PTK2B: variants seen among roughly 807,000 people sequenced by gnomAD.
PTK2B encodes protein-tyrosine kinase 2-beta.
PTK2B carries 71 observed loss-of-function variants against 142.9 expected under a neutral mutation model. The observed-to-expected ratio is 0.50, with a 90% CI of 0.41 to 0.61. The LOEUF (loss-of-function observed/expected upper bound fraction) is 0.61. Among genes scored for constraint, PTK2B ranks in the 20% least tolerant of loss-of-function variants. The probability of loss-of-function intolerance (pLI) is 0.00; values close to 1 mark genes in which losing one functional copy is unlikely to be tolerated. For synonymous variants in PTK2B, 519 were observed against 503.4 expected, an observed-to-expected ratio of 1.03 and a Z score of -0.42; for missense variants, 1,105 against 1,320.4, an observed-to-expected ratio of 0.84 and a Z score of 2.53.
chr8:27,434,572 C>T lies in PTK2B; in HGVS notation c.1192+13C>T. ...AGCTGCAGCATAGGTGAGCTGCCCG[C>T]TGCATCCTCCACCTGCTCCAGTTGC... On this transcript the variant is annotated intron_variant, in intron 13 of 30. Coordinates refer to ENST00000346049, the MANE Select transcript of PTK2B (RefSeq NM_173176.3). 1 of 1,597,668 alleles carries T rather than the reference C, an allele frequency of 6.3e-7. No individual in the cohort carries two copies. The highest frequency in any genetic ancestry group is 8.5e-7 in the Non-Finnish European group (1 of 1,171,976).
chr8:27,325,034 C>T (rs117070929), upstream of PTK2B, among the ~76,000 whole-genome samples: 793 of 152,310 alleles, frequency 5.2e-3, 2 homozygotes, highest in Non-Finnish European at 8.6e-3. Context: ...GGGACCTGGA[C>T]CGGTTCTGCC....
chr8:27,452,870 C>A (rs1053316819), intron 27 of PTK2B: 6 of 564,466 alleles, frequency 1.1e-5, no homozygotes, highest in African/African-American at 3.8e-5. Flanking sequence ...CCACTGCAAT[C>A]CCCCCATCTT....
At chr8:27,398,078 T>C (rs142669358) in intron 2 of PTK2B, among the ~76,000 whole-genome samples, 1 of 152,396 alleles carries the variant, frequency 6.6e-6, no homozygotes, top group East Asian at 1.9e-4. Context: ...GTATTTATGA[T>C]ACTTGAAGCT....
rs188454082 is a variant in PTK2B, at chr8:27,403,461, G to A, written c.204+5673G>A. The stretch of plus-strand genomic sequence containing the variant: ...GTTGTAAAAAGCTTTGTGAATAAGC[G>A]CTGGCCCCTGTGCCTAGGACCTAAA... On this transcript the variant is annotated intron_variant, in intron 2 of 30. Transcript: ENST00000346049. 1.1e-4 allele frequency among the ~76,000 whole-genome samples: 17 copies of A among 152,278 alleles called. No individual in the cohort carries two copies. In the East Asian group the frequency reaches 2.9e-3, roughly 26 times the overall value.
chr8:27,328,334 A>C (rs954699884), intron 1 of PTK2B, among the ~76,000 whole-genome samples: 24 of 152,226 alleles, frequency 1.6e-4, no homozygotes, highest in Admixed American at 1.2e-3. Context: ...GCTAAGAGAT[A>C]GAGGAAGTGA....
rs374735115 is a variant in PTK2B, at chr8:27,454,623, A to G, written c.2814+12A>G. On this transcript the variant is annotated intron_variant, in intron 30 of 30. Transcript: ENST00000346049. ...CTTCACGGACAGAGGTGAGCGTCCC[A>G]TTCCAGACAGCACCATAGGCTGTTG... The G allele has an allele frequency of 3.7e-6, 6 of 1,612,384 alleles. No homozygotes were observed. In the African/African-American group the frequency reaches 8.0e-5, roughly 22 times the overall value.
rs747911437 is a variant in PTK2B, at chr8:27,454,525, C to G, written c.2734-6C>G. On this transcript the variant is annotated splice_region_variant and splice_polypyrimidine_tract_variant and intron_variant, in intron 29 of 30. Coordinates refer to ENST00000346049, the MANE Select transcript of PTK2B (RefSeq NM_173176.3). Reference sequence around the variant, plus strand: ...TGGCGGCCATCCTGCCCCTTTCTCCCCCCAGAATGTGGGGCTGACCCTGCG... The same window carrying G: ...TGGCGGCCATCCTGCCCCTTTCTCCGCCCAGAATGTGGGGCTGACCCTGCG... 2 of 1,613,934 alleles carry G rather than the reference C, an allele frequency of 1.2e-6. No homozygotes were observed. The highest frequency in any genetic ancestry group is 1.1e-5 in the South Asian group (1 of 91,064).
intron 3 of PTK2B, among the ~76,000 whole-genome samples, chr8:27,316,952 G>T (rs890991094): frequency 1.3e-5 from 2 of 152,160 alleles, no homozygotes; most frequent in Admixed American, 1.3e-4. Flanking sequence ...CCATAAGGGG[G>T]TGTATTATCT....
At chr8:27,431,119 TCA>T in intron 8 of PTK2B, 103 bp downstream of exon 8, 1 of 1,519,586 alleles carries the variant, frequency 6.6e-7, no homozygotes, top group East Asian at 2.3e-5. Flanking sequence ...CTGCAGATTC[TCA>T]CTCAGGCAGC....
upstream of PTK2B, among the ~76,000 whole-genome samples, chr8:27,321,346 T>C (rs1400022438): frequency 2.0e-5 from 3 of 152,184 alleles, no homozygotes; most frequent in Non-Finnish European, 2.9e-5. Flanking sequence ...TTAGAAGTTG[T>C]GTGCACGGTC....
At position 27,441,381 on chromosome 8, in the gene PTK2B, C is replaced by T. The variant is rs150166255; in HGVS notation, c.2039+940C>T. The stretch of plus-strand genomic sequence containing the variant: ...TGAAAGGCCAGATTTTCCCTCTGGG[C>T]GCTTATTTGCTGAACCCTACTTTAG... On this transcript the variant is annotated intron_variant, in intron 21 of 30. Coordinates refer to ENST00000346049, the MANE Select transcript of PTK2B (RefSeq NM_173176.3). Among the ~76,000 whole-genome samples, 262 of 152,272 alleles carry T rather than the reference C, an allele frequency of 1.7e-3. 1 individual carries two copies. The highest frequency in any genetic ancestry group is 5.6e-3 in the African/African-American group (231 of 41,550).
chr8:27,361,758 C>T (rs1482433940), intron 1 of PTK2B, among the ~76,000 whole-genome samples: 10 of 152,130 alleles, frequency 6.6e-5, no homozygotes, highest in Admixed American at 4.6e-4. Flanking sequence ...GCCTGCTTTT[C>T]TGGTGCTCTC....
Position 27,385,393 on chromosome 8 carries a change from G to A in PTK2B, c.-37-12155G>A, listed in dbSNP as rs186960747. On this transcript the variant is annotated intron_variant, in intron 1 of 30. Transcript: ENST00000346049. ...CTGGGCTCTTGGAGAACTGTTCAGA[G>A]TTGGCGATAACTTTCTGTAATCCTA... Among the ~76,000 whole-genome samples, 238 of 152,340 alleles carry A rather than the reference G, an allele frequency of 1.6e-3. 3 individuals are homozygous for A. The highest frequency in any genetic ancestry group is 2.4e-3 in the Non-Finnish European group (161 of 68,026).
chr8:27,339,831 G>A (rs1372574199), intron 1 of PTK2B, among the ~76,000 whole-genome samples: 1 of 152,236 alleles, frequency 6.6e-6, no homozygotes, highest in East Asian at 1.9e-4. Context: ...GTTCAGGTCA[G>A]CATCTTTCAG....
chr8:27,353,215 C>A (rs1805199656), intron 1 of PTK2B, among the ~76,000 whole-genome samples: 1 of 152,162 alleles, frequency 6.6e-6, no homozygotes, highest in Non-Finnish European at 1.5e-5. Context: ...TATAAGTTTG[C>A]CATAAGCTAC....
intron 28 of PTK2B, among the ~76,000 whole-genome samples, chr8:27,453,739 G>A (rs1043384064): frequency 6.6e-6 from 1 of 152,104 alleles, no homozygotes; most frequent in African/African-American, 2.4e-5. Context: ...AAAAAGATTA[G>A]CTGGACTTGG....
chr8:27,399,525 A>G (rs887649810), intron 2 of PTK2B, among the ~76,000 whole-genome samples: 3 of 152,228 alleles, frequency 2.0e-5, no homozygotes, highest in African/African-American at 7.2e-5. Context: ...CTAGGGAACA[A>G]CACATATTTT....
chr8:27,454,648 G>T, intron 30 of PTK2B, 37 bp downstream of exon 30: 1 of 1,597,660 alleles, frequency 6.3e-7, no homozygotes, highest in Non-Finnish European at 8.6e-7. Context: ...ATAGGCTGTT[G>T]CTTTGCTCCT....
chr8:27,444,801 C>T (rs182193991), intron 23 of PTK2B, among the ~76,000 whole-genome samples: 2 of 152,266 alleles, frequency 1.3e-5, no homozygotes. Context: ...AGAGGGAGTC[C>T]AGTCTCCTCT....
Sources: gnomAD v4.1 joint callset for allele counts (sites outside exome capture counted in the v4.1 genomes callset) on GRCh38, gnomAD v4.1.1 for gene constraint, MANE v1.5 for transcripts, NCBI Gene and HGNC (gene_info 2026-07-23, HGNC 2026-07-21) for gene names.